The following CLNK variants were observed in gnomAD, a reference collection of about 807,000 sequenced individuals.
CLNK encodes the protein cytokine dependent hematopoietic cell linker, also known as cytokine-dependent hematopoietic cell linker.
A neutral mutation model predicts 68.6 loss-of-function variants in CLNK; 74 were observed. The ratio of observed to expected loss-of-function variants is 1.08; its 90% CI spans 0.89 to 1.31. CLNK has a LOEUF of 1.31. Ranked by LOEUF, CLNK falls within the 50% of genes most tolerant of loss-of-function variation. The pLI, the probability that CLNK is intolerant of heterozygous loss-of-function variation, is 0.00. For missense variants in CLNK, 553 were observed against 515.3 expected, an observed-to-expected ratio of 1.07 and a Z score of -0.71; for synonymous variants, 198 against 172.2, an observed-to-expected ratio of 1.15 and a Z score of -1.17.
At chr4:10,670,473 C>T (rs1289550214) in intron 1 of CLNK, among the ~76,000 whole-genome samples, 1 of 152,194 alleles carries the variant, frequency 6.6e-6, no homozygotes, top group African/African-American at 2.4e-5. Context: ...TTGGCCAGTT[C>T]TTGTGTACAG....
rs374276924 is a variant in CLNK at position 10,513,444 on chromosome 4, G to A, written c.906+20C>T. ...TGCCAAGTACATCTAGAAGGACTTG[G>A]CAGAGAAGTGTCTGCTTACCTTTCT... On this transcript the variant is annotated intron_variant, in intron 16 of 18. Transcript: ENST00000226951. The A allele has an allele frequency of 4.9e-4, 789 of 1,604,880 alleles. 12 individuals carry two copies. The South Asian group carries it at 8.3e-3, about 17-fold the overall frequency.
upstream of CLNK, chr4:10,684,975 T>C (rs971089606): frequency 1.3e-5 from 2 of 152,156 alleles, no homozygotes; most frequent in East Asian, 3.8e-4. Flanking sequence ...AAGGGTGTTT[T>C]TAAAGACACA....
intron 4 of CLNK, among the ~76,000 whole-genome samples, chr4:10,581,700 C>T (rs765532469): frequency 6.6e-6 from 1 of 151,446 alleles, no homozygotes; most frequent in Non-Finnish European, 1.5e-5. Context: ...TTATATGGAG[C>T]TACCACAAAT....
At chr4:10,510,940 G>C (rs1717555018) in intron 16 of CLNK, among the ~76,000 whole-genome samples, 1 of 152,220 alleles carries the variant, frequency 6.6e-6, no homozygotes, top group Non-Finnish European at 1.5e-5. Flanking sequence ...ATCACCTGAG[G>C]TCAGGAGTTC....
chr4:10,709,516 G>C, the CLNK span, among the ~76,000 whole-genome samples: 1 of 152,086 alleles, frequency 6.6e-6, no homozygotes, highest in African/African-American at 2.4e-5. Flanking sequence ...CTTTGGACAC[G>C]GAGAATTGAT....
intron 13 of CLNK, among the ~76,000 whole-genome samples, chr4:10,526,703 A>G (rs1287911194): frequency 6.6e-6 from 1 of 152,182 alleles, no homozygotes; most frequent in African/African-American, 2.4e-5. Flanking sequence ...GACCAGGGAT[A>G]CAGTTTCTCA....
chr4:10,522,563 A>T (rs1718123011), intron 14 of CLNK, among the ~76,000 whole-genome samples: 1 of 118,518 alleles, frequency 8.4e-6, no homozygotes, highest in Non-Finnish European at 1.8e-5. Flanking sequence ...AACAAGAGTG[A>T]AACTCTCTCA....
At chr4:10,630,823 T>A (rs1049901646) in intron 2 of CLNK, among the ~76,000 whole-genome samples, 7 of 152,198 alleles carry the variant, frequency 4.6e-5, no homozygotes, top group Non-Finnish European at 8.8e-5. Context: ...CACTGCCCTA[T>A]AGGTGTTGTG....
At chr4:10,659,039 C>T (rs1415897335) in intron 2 of CLNK, among the ~76,000 whole-genome samples, 1 of 152,038 alleles carries the variant, frequency 6.6e-6, no homozygotes, top group African/African-American at 2.4e-5. Context: ...CCCGTGTCTA[C>T]AGAAAATACA....
chr4:10,590,770 T>C (rs2108840689), intron 3 of CLNK, among the ~76,000 whole-genome samples: 1 of 152,304 alleles, frequency 6.6e-6, no homozygotes, highest in South Asian at 2.1e-4. Context: ...AGTTTCTGCA[T>C]TCATCACCTT....
the CLNK span, among the ~76,000 whole-genome samples, chr4:10,704,170 A>G: frequency 1.3e-5 from 2 of 152,150 alleles, no homozygotes; most frequent in African/African-American, 4.8e-5. Flanking sequence ...GAGAGAAAAA[A>G]AGAGAGGAGG....
Position 10,596,378 on chromosome 4 carries a change from C to T in CLNK, c.83+1600G>A, listed in dbSNP as rs183811507. Among the ~76,000 whole-genome samples the T allele has an allele frequency of 4.6e-5, 7 of 152,312 alleles. No homozygotes were observed. In the East Asian group the frequency reaches 1.4e-3, roughly 29 times the overall value. ...TGTTGGAATGGAAAAAGAGGCTTGT[C>T]TGGGGCCACACGGCTAATAAGCAGC... On this transcript the variant is annotated intron_variant, in intron 3 of 18. Coordinates refer to ENST00000226951, the MANE Select transcript of CLNK (RefSeq NM_052964.4).
upstream of CLNK, among the ~76,000 whole-genome samples, chr4:10,685,685 C>A (rs986197756): frequency 2.6e-5 from 4 of 152,108 alleles, no homozygotes; most frequent in Admixed American, 6.6e-5. Context: ...TTAACAGACA[C>A]CCCAAGGAAA....
At chr4:10,729,291 A>G in the CLNK span, among the ~76,000 whole-genome samples, 5 of 152,230 alleles carry the variant, frequency 3.3e-5, no homozygotes, top group Non-Finnish European at 1.5e-5. Flanking sequence ...TGTGGAGAAA[A>G]GGGAAGTCTT....
chr4:10,563,949 G>A (rs1007432449), intron 7 of CLNK, among the ~76,000 whole-genome samples: 7 of 152,032 alleles, frequency 4.6e-5, no homozygotes, highest in African/African-American at 1.4e-4. Flanking sequence ...ATAATGAAGT[G>A]CACGAAAATG....
At chr4:10,494,680 A>AACTCT (rs1167918986) in intron 18 of CLNK, among the ~76,000 whole-genome samples, 2 of 152,134 alleles carry the variant, frequency 1.3e-5, no homozygotes, top group Non-Finnish European at 2.9e-5. Context: ...GTTGGTCTTG[A>AACTCT]ACTCTTGACC....
At chr4:10,511,928 A>C (rs995235276) in intron 16 of CLNK, among the ~76,000 whole-genome samples, 1 of 152,232 alleles carries the variant, frequency 6.6e-6, no homozygotes, top group African/African-American at 2.4e-5. Context: ...TAGTTAAAAA[A>C]ATTAACCAGA....
chr4:10,688,924 C>T (rs1725361695), upstream of CLNK, among the ~76,000 whole-genome samples: 1 of 151,782 alleles, frequency 6.6e-6, no homozygotes, highest in Admixed American at 6.6e-5. Context: ...CAGAAGAGTC[C>T]TATGTAGCAC....
chr4:10,487,378 A>G lies in CLNK; in HGVS notation c.*3089T>C, dbSNP rs1243827676. ...GAAATAGCTGCCCTCTCTTCTTTAC[A>G]GAAGTGTTGTAAGAAACAAATACAA... On this transcript the variant is annotated 3_prime_UTR_variant, in exon 19 of 19. Transcript: ENST00000226951. The G allele has an allele frequency of 1.3e-5, 2 of 152,244 alleles. No homozygotes were observed. Among genetic ancestry groups the G allele is most frequent in the African/African-American group, 2.4e-5 (1 of 41,466 alleles). 9.4% of individuals were successfully genotyped at this position (152,244 alleles called of 1,614,324 possible).
Sources: gnomAD v4.1 joint callset for allele counts (sites outside exome capture counted in the v4.1 genomes callset) on GRCh38, gnomAD v4.1.1 for gene constraint, MANE v1.5 for transcripts, NCBI Gene and HGNC (gene_info 2026-07-23, HGNC 2026-07-21) for gene names.